The following ARSB variants were observed in gnomAD, a reference collection of about 807,000 sequenced individuals.
The protein encoded by ARSB is arylsulfatase B.
ARSB carries 41 observed loss-of-function variants against 50.9 expected under a neutral mutation model. That is an observed-to-expected ratio of 0.81 (90% CI 0.63 to 1.04). ARSB has a LOEUF of 1.04. ARSB is among the 50% of genes least tolerant of loss of function. The pLI is 0.00. For synonymous variants in ARSB, 269 were observed against 284.8 expected, an observed-to-expected ratio of 0.94 and a Z score of 0.56; for missense variants, 672 against 693.3, an observed-to-expected ratio of 0.97 and a Z score of 0.35.
chr5:78,813,965 C>T (rs1016238706), intron 6 of ARSB, among the ~76,000 whole-genome samples: 1 of 152,114 alleles, frequency 6.6e-6, no homozygotes, highest in Non-Finnish European at 1.5e-5. Flanking sequence ...AACTATAAAA[C>T]ACAAGTACCA....
Position 78,839,531 on chromosome 5 carries a change from GT to G in ARSB, c.1143-106del, listed in dbSNP as rs1156586831. 4 of 1,008,144 alleles carry G rather than the reference GT, an allele frequency of 4.0e-6. No individual in the cohort carries two copies. In the African/African-American group the frequency reaches 6.4e-5, roughly 16 times the overall value. 62.4% of individuals were successfully genotyped at this position (1,008,144 alleles called of 1,614,324 possible). On this transcript the variant is annotated intron_variant, in intron 5 of 7. Transcript: ENST00000264914. ...CTTATAGGAAATAACAAACCTGCCA[GT>G]TAACAACTCTGTCATGAATTTGGAG...
chr5:78,867,871 G>C (rs369458229), intron 5 of ARSB, among the ~76,000 whole-genome samples: 1 of 142,148 alleles, frequency 7.0e-6, no homozygotes, highest in East Asian at 2.0e-4. Flanking sequence ...TCTGAGCTAC[G>C]GGAGGACATT....
chr5:78,835,325 C>T (rs772607574), intron 6 of ARSB, among the ~76,000 whole-genome samples: 3 of 151,972 alleles, frequency 2.0e-5, no homozygotes, highest in South Asian at 2.1e-4. Flanking sequence ...TGGCAGGGAG[C>T]GGGGGAGGTG....
intron 5 of ARSB, among the ~76,000 whole-genome samples, chr5:78,861,096 C>T (rs186674313): frequency 5.3e-5 from 8 of 152,248 alleles, no homozygotes; most frequent in Non-Finnish European, 1.5e-5. Flanking sequence ...CAATAACAGG[C>T]TCTGAAATTG....
intron 5 of ARSB, among the ~76,000 whole-genome samples, chr5:78,860,963 G>A (rs35588382): frequency 0.23 from 35,276 of 151,968 alleles, 4,837 homozygotes; most frequent in Admixed American, 0.31. Context: ...ACAAACTACC[G>A]TCAGAGAATA....
Position 78,964,648 on chromosome 5 carries a change from C to G in ARSB, c.500-42G>C, listed in dbSNP as rs776873835. 5 of 1,578,472 alleles carry G rather than the reference C, an allele frequency of 3.2e-6. No homozygotes were observed. In the African/African-American group the frequency reaches 5.4e-5, roughly 17 times the overall value. ...CGAAAATAGTCAGCATAGCATAAAA[C>G]TTGTTAAACAAACTAATGTTTCAGC... On this transcript the variant is annotated intron_variant, in intron 2 of 7. Coordinates refer to ENST00000264914, the MANE Select transcript of ARSB (RefSeq NM_000046.5).
At chr5:78,816,858 G>C (rs576003588) in intron 6 of ARSB, among the ~76,000 whole-genome samples, 102 of 152,288 alleles carry the variant, frequency 6.7e-4, no homozygotes, top group African/African-American at 2.4e-3. Context: ...ACCTGAGCAA[G>C]CTTGGAAGAA....
chr5:78,839,374 AG>A lies in ARSB; in HGVS notation c.1194del (p.Phe399SerfsTer175). On this transcript the variant is annotated frameshift_variant, in exon 6 of 8. Transcript: ENST00000264914. LOFTEE classifies it high-confidence loss of function. ...TACTCACACGGTGAAGAGTCCACGA[AG>A]TTCGGGTCAATATTATGCAGCAGCT... The part of the protein sequence containing the change: ...RIELLHNIDP[N>X]FVDSSPCPRN... 6.2e-7 allele frequency: 1 copy of A among 1,613,914 alleles called. No individual in the cohort carries two copies. The highest frequency in any genetic ancestry group is 8.5e-7 in the Non-Finnish European group (1 of 1,179,846).
At chr5:78,984,513 C>G (rs556844556) in intron 1 of ARSB, among the ~76,000 whole-genome samples, 1 of 152,328 alleles carries the variant, frequency 6.6e-6, no homozygotes, top group African/African-American at 2.4e-5. Context: ...TCCCACGGGC[C>G]AGGGTCGCAC....
chr5:78,943,747 T>C, intron 4 of ARSB, among the ~76,000 whole-genome samples: 1 of 152,184 alleles, frequency 6.6e-6, no homozygotes, highest in Non-Finnish European at 1.5e-5. Flanking sequence ...AATCTGACAA[T>C]TATGTGTCTT....
intron 7 of ARSB, 37 bp downstream of exon 7, chr5:78,781,815 C>T: frequency 6.2e-7 from 1 of 1,613,666 alleles, no homozygotes; most frequent in South Asian, 1.1e-5. Context: ...GCTTTGTCTA[C>T]CACGGGAAGG....
rs924523536 is a variant in ARSB at position 78,815,122 on chromosome 5, C to T, written c.1213+24234G>A. Among the ~76,000 whole-genome samples the T allele has an allele frequency of 8.0e-5, 12 of 150,780 alleles. 1 individual carries two copies. Among genetic ancestry groups the T allele is most frequent in the African/African-American group, 3.0e-4 (12 of 40,674 alleles). On this transcript the variant is annotated intron_variant, in intron 6 of 7. Coordinates refer to ENST00000264914, the MANE Select transcript of ARSB (RefSeq NM_000046.5). ...GTAAGTTTAATCACAACCCAATTAT[C>T]GAAAAGATTATTGAAGTTGACTGTA...
intron 6 of ARSB, among the ~76,000 whole-genome samples, chr5:78,792,869 T>A (rs1743026086): frequency 6.6e-6 from 1 of 152,154 alleles, no homozygotes; most frequent in Non-Finnish European, 1.5e-5. Flanking sequence ...GACTGTGAGA[T>A]CTGAACCAGC....
intron 6 of ARSB, among the ~76,000 whole-genome samples, chr5:78,827,319 C>G (rs562926578): frequency 5.1e-4 from 78 of 152,312 alleles, no homozygotes; most frequent in African/African-American, 1.8e-3. Flanking sequence ...AGCAATCCTC[C>G]CACCTTAGCC....
At chr5:78,891,127 C>T (rs1337968848) in intron 4 of ARSB, among the ~76,000 whole-genome samples, 1 of 152,112 alleles carries the variant, frequency 6.6e-6, no homozygotes, top group African/African-American at 2.4e-5. Context: ...TTTGGAGGAA[C>T]AAATAATTAG....
At chr5:78,911,631 A>G (rs986553774) in intron 4 of ARSB, among the ~76,000 whole-genome samples, 8 of 149,588 alleles carry the variant, frequency 5.3e-5, no homozygotes, top group Non-Finnish European at 1.2e-4. Context: ...GGGCAATTAG[A>G]AACTTGAAAG....
At chr5:78,846,435 G>A (rs755503056) in intron 5 of ARSB, among the ~76,000 whole-genome samples, 68 of 152,082 alleles carry the variant, frequency 4.5e-4, no homozygotes, top group Non-Finnish European at 2.5e-4. Context: ...TATTTAGATA[G>A]GGATTGCATT....
chr5:78,913,121 C>CTTTTTT (rs11440743), intron 4 of ARSB, among the ~76,000 whole-genome samples: 1 of 140,084 alleles, frequency 7.1e-6, no homozygotes, highest in African/African-American at 2.6e-5. Flanking sequence ...TTTTAATTCG[C>CTTTTTT]TTTTTTTTTT....
At chr5:78,781,309 T>G (rs893119652) in intron 7 of ARSB, among the ~76,000 whole-genome samples, 2 of 147,848 alleles carry the variant, frequency 1.4e-5, no homozygotes, top group South Asian at 2.1e-4. Flanking sequence ...CTCTCTGTCT[T>G]TCTCTCTCTC....
Sources: gnomAD v4.1 joint callset for allele counts (sites outside exome capture counted in the v4.1 genomes callset) on GRCh38, gnomAD v4.1.1 for gene constraint, MANE v1.5 for transcripts, NCBI Gene and HGNC (gene_info 2026-07-23, HGNC 2026-07-21) for gene names.